Variants in USP25 observed in about 807,000 individuals in gnomAD.
The protein encoded by USP25 is ubiquitin carboxyl-terminal hydrolase 25.
In USP25, 85 loss-of-function variants were observed where a neutral mutation model predicts 158.5. The ratio of observed to expected loss-of-function variants is 0.54; its 90% CI spans 0.45 to 0.64. The LOEUF is 0.64. Among genes scored for constraint, USP25 ranks in the 30% least tolerant of loss-of-function variants. The probability of loss-of-function intolerance (pLI) is 0.00; values close to 1 mark genes in which losing one functional copy is unlikely to be tolerated. For missense variants in USP25, 1,242 were observed against 1,327.3 expected, an observed-to-expected ratio of 0.94 and a Z score of 1.00; for synonymous variants, 464 against 460.4, an observed-to-expected ratio of 1.01 and a Z score of -0.10.
intron 1 of USP25, among the ~76,000 whole-genome samples, chr21:15,745,349 C>T (rs1375506496): frequency 6.6e-6 from 1 of 152,004 alleles, no homozygotes; most frequent in Non-Finnish European, 1.5e-5. Context: ...AATACTTTCT[C>T]CCAATGTGTG....
intron 1 of USP25, among the ~76,000 whole-genome samples, chr21:15,746,630 G>C (rs1178665908): frequency 6.6e-6 from 1 of 151,896 alleles, no homozygotes; most frequent in Non-Finnish European, 1.5e-5. Context: ...TCTCTGGACA[G>C]CATGATCCAC....
At chr21:15,801,487 T>G (rs1265962583) in intron 6 of USP25, among the ~76,000 whole-genome samples, 1 of 151,560 alleles carries the variant, frequency 6.6e-6, no homozygotes, top group African/African-American at 2.4e-5. Flanking sequence ...TTTATATGAT[T>G]ATTCCACAAA....
At chr21:15,874,555 A>G in intron 24 of USP25, 29 bp downstream of exon 24, 1 of 1,555,818 alleles carries the variant, frequency 6.4e-7, no homozygotes, top group African/African-American at 1.4e-5. Flanking sequence ...GTATGATCTT[A>G]TCATTTTGTC....
chr21:15,784,320 G>T (rs2035152118), intron 4 of USP25, among the ~76,000 whole-genome samples: 1 of 152,098 alleles, frequency 6.6e-6, no homozygotes, highest in African/African-American at 2.4e-5. Flanking sequence ...CGCCTGTAAT[G>T]CCAGCACTTT....
At chr21:15,753,838 G>A (rs1406694498) in intron 1 of USP25, among the ~76,000 whole-genome samples, 1 of 151,950 alleles carries the variant, frequency 6.6e-6, no homozygotes, top group Non-Finnish European at 1.5e-5. Context: ...CACAAAATAA[G>A]AGACTTGAAG....
rs751347986 is a variant in USP25 at position 15,791,613 on chromosome 21, C to T, written c.504C>T (p.Pro168=). ...ATAGAAAAAGACAGGACAAAGCTCC[C>T]GTTGGGCTAAAGAATGTTGGCAATA... ...PYDRKRQDKA[P]VGLKNVGNTC... is the part of the protein sequence containing the mutation. The change falls in exon 5 of 26, where the codon CCC becomes CCT. Residue 168 remains proline, a synonymous_variant. Coordinates refer to ENST00000400183, the MANE Select transcript of USP25 (RefSeq NM_001283041.3). 2.5e-5 allele frequency: 41 copies of T among 1,610,826 alleles called. No individual in the cohort carries two copies. The highest frequency in any genetic ancestry group is 3.2e-5 in the Non-Finnish European group (38 of 1,178,078).
intron 19 of USP25, among the ~76,000 whole-genome samples, chr21:15,848,172 A>G (rs1022877104): frequency 3.3e-5 from 5 of 152,168 alleles, no homozygotes; most frequent in African/African-American, 9.7e-5. Flanking sequence ...ATCTCCTGCC[A>G]GAAAATCCCA....
intron 3 of USP25, chr21:15,773,175 T>C (rs2034452708): frequency 6.6e-6 from 1 of 152,238 alleles, no homozygotes; most frequent in Non-Finnish European, 1.5e-5. Context: ...GGGGTACAGG[T>C]GTGCCTATAT....
intron 8 of USP25, 51 bp downstream of exon 8, chr21:15,808,936 C>T (rs775596159): frequency 3.1e-6 from 4 of 1,280,670 alleles, no homozygotes; most frequent in Non-Finnish European, 4.4e-6. Flanking sequence ...CATTAGATAG[C>T]ATGTATTAAA....
intron 9 of USP25, among the ~76,000 whole-genome samples, chr21:15,811,949 G>A (rs1422775269): frequency 6.6e-6 from 1 of 151,892 alleles, no homozygotes; most frequent in Admixed American, 6.6e-5. Flanking sequence ...TTTTCTTCAC[G>A]ATCTTAAGTA....
Position 15,791,115 on chromosome 21 carries a change from T to C in USP25, c.393-387T>C, listed in dbSNP as rs988567028. Among the ~76,000 whole-genome samples, 4 of 151,896 alleles carry C rather than the reference T, an allele frequency of 2.6e-5. 1 individual carries two copies. Among genetic ancestry groups the C allele is most frequent in the Admixed American group, 6.6e-5 (1 of 15,218 alleles). ...AACTTGTTCAGTTTTTAATGTTTTC[T>C]TGATTCAGAGTAATTGTTATAAAAA... is the stretch of plus-strand genomic sequence containing the variant. On this transcript the variant is annotated intron_variant, in intron 4 of 25. Coordinates refer to ENST00000400183, the MANE Select transcript of USP25 (RefSeq NM_001283041.3).
At chr21:15,737,050 G>T (rs1203057413) in intron 1 of USP25, among the ~76,000 whole-genome samples, 3 of 151,594 alleles carry the variant, frequency 2.0e-5, no homozygotes, top group South Asian at 2.1e-4. Flanking sequence ...AGGATTTTTC[G>T]TCTGAAATCT....
intron 20 of USP25, among the ~76,000 whole-genome samples, chr21:15,855,152 C>T (rs2039074363): frequency 6.6e-6 from 1 of 152,024 alleles, no homozygotes; most frequent in Non-Finnish European, 1.5e-5. Flanking sequence ...TTTTAAAAGA[C>T]ATTAAAATTT....
chr21:15,845,492 T>G (rs918483866), intron 18 of USP25, among the ~76,000 whole-genome samples: 14 of 152,158 alleles, frequency 9.2e-5, no homozygotes, highest in African/African-American at 3.4e-4. Flanking sequence ...TGGCAAAGTT[T>G]CTTCCCCCTT....
At chr21:15,864,686 A>G (rs1455174032) in intron 21 of USP25, among the ~76,000 whole-genome samples, 1 of 152,182 alleles carries the variant, frequency 6.6e-6, no homozygotes, top group Non-Finnish European at 1.5e-5. Context: ...TAATCACTGC[A>G]CTTATTACAC....
intron 2 of USP25, among the ~76,000 whole-genome samples, chr21:15,765,406 A>G (rs182723411): frequency 1.2e-3 from 189 of 152,222 alleles, no homozygotes; most frequent in African/African-American, 4.0e-3. Flanking sequence ...AACTATGCAA[A>G]ATGTATCTAT....
At chr21:15,854,529 G>T (rs2039044744) in intron 20 of USP25, among the ~76,000 whole-genome samples, 2 of 151,932 alleles carry the variant, frequency 1.3e-5, no homozygotes, top group South Asian at 4.1e-4. Context: ...TAGCTTTTTG[G>T]CTATGAAAGA....
intron 20 of USP25, among the ~76,000 whole-genome samples, chr21:15,863,229 T>A (rs762561650): frequency 7.9e-5 from 12 of 152,094 alleles, no homozygotes; most frequent in Non-Finnish European, 1.6e-4. Flanking sequence ...TATTAAAACA[T>A]GCATTAGTAT....
In USP25 at chr21:15,847,788, A is replaced by G; in HGVS notation, c.2451+12A>G. The G allele has an allele frequency of 6.7e-7, 1 of 1,501,924 alleles. No individual in the cohort carries two copies. Among genetic ancestry groups the G allele is most frequent in the Non-Finnish European group, 9.1e-7 (1 of 1,102,850 alleles). The allele number at this position is 1,501,924 out of a possible 1,614,324, so 93.0% of individuals were successfully genotyped here. On this transcript the variant is annotated intron_variant, in intron 19 of 25. Coordinates refer to ENST00000400183, the MANE Select transcript of USP25 (RefSeq NM_001283041.3). ...GGTATGATGACGAGGTACCTTTTAC[A>G]GCCCTCTGCACCATTGCTACTTAAC...
Sources: gnomAD v4.1 joint callset for allele counts (sites outside exome capture counted in the v4.1 genomes callset) on GRCh38, gnomAD v4.1.1 for gene constraint, MANE v1.5 for transcripts, NCBI Gene and HGNC (gene_info 2026-07-23, HGNC 2026-07-21) for gene names.